Variants in QTMAN observed in about 807,000 individuals in gnomAD.
QTMAN encodes tRNA-queuosine alpha-mannosyltransferase.
At chr2:144,306,133 T>C in the QTMAN span, among the ~76,000 whole-genome samples, 7 of 152,254 alleles carry the variant, frequency 4.6e-5, no homozygotes, top group Non-Finnish European at 8.8e-5. Flanking sequence ...CATTAAGATG[T>C]TGGCTGTGGT....
chr2:144,063,145 C>G, the QTMAN span, among the ~76,000 whole-genome samples: 25 of 152,276 alleles, frequency 1.6e-4, no homozygotes. Flanking sequence ...TCTTGTCTAG[C>G]ATGCAGAAAA....
At chr2:144,016,244 T>C in the QTMAN span, among the ~76,000 whole-genome samples, 5 of 152,204 alleles carry the variant, frequency 3.3e-5, no homozygotes, top group African/African-American at 4.8e-5. Context: ...AAATTACCCA[T>C]ATAATCTTTA....
chr2:144,077,963 T>A, the QTMAN span, among the ~76,000 whole-genome samples: 1 of 152,078 alleles, frequency 6.6e-6, no homozygotes, highest in Non-Finnish European at 1.5e-5. Flanking sequence ...ATCTAAAAAA[T>A]TTTTAAAGTC....
chr2:144,216,634 C>A, the QTMAN span, among the ~76,000 whole-genome samples: 26 of 152,146 alleles, frequency 1.7e-4, no homozygotes, highest in East Asian at 5.0e-3. Flanking sequence ...TTATTGTTGA[C>A]AGAAGCAGAA....
the QTMAN span, among the ~76,000 whole-genome samples, chr2:144,168,358 T>C: frequency 1.3e-5 from 2 of 152,218 alleles, no homozygotes; most frequent in African/African-American, 4.8e-5. Flanking sequence ...TTGGGAGCTA[T>C]AGCATATGGA....
chr2:143,970,704 C>T, the QTMAN span: 1 of 1,611,436 alleles, frequency 6.2e-7, no homozygotes, highest in South Asian at 1.1e-5. Flanking sequence ...AAATTGAGTC[C>T]TAAGTCTTTA....
At chr2:144,037,608 AT>A in the QTMAN span, among the ~76,000 whole-genome samples, 293 of 152,344 alleles carry the variant, frequency 1.9e-3, 1 homozygote, top group Non-Finnish European at 3.7e-3. Context: ...CTATTTTGAA[AT>A]TTAAATAATA....
the QTMAN span, among the ~76,000 whole-genome samples, chr2:144,308,823 A>G: frequency 6.6e-6 from 1 of 152,354 alleles, no homozygotes; most frequent in African/African-American, 2.4e-5. Flanking sequence ...ACCACCAAAG[A>G]AAATGTTGAT....
At chr2:144,238,287 G>A in the QTMAN span, among the ~76,000 whole-genome samples, 4 of 152,170 alleles carry the variant, frequency 2.6e-5, no homozygotes, top group East Asian at 5.8e-4. Context: ...AAGGCATTTT[G>A]TTCTTCTGAA....
the QTMAN span, among the ~76,000 whole-genome samples, chr2:143,989,749 G>C: frequency 6.6e-6 from 1 of 152,148 alleles, no homozygotes; most frequent in African/African-American, 2.4e-5. Flanking sequence ...AGAAGAGTGA[G>C]ATGTGGCTAT....
the QTMAN span, among the ~76,000 whole-genome samples, chr2:143,981,300 T>C: frequency 1.2e-4 from 18 of 152,170 alleles, no homozygotes; most frequent in South Asian, 3.1e-3. Context: ...TTTAAAACTA[T>C]AGTAGGATAG....
the QTMAN span, among the ~76,000 whole-genome samples, chr2:144,256,678 C>T: frequency 6.6e-6 from 1 of 151,912 alleles, no homozygotes; most frequent in African/African-American, 2.4e-5. Context: ...GGGAGGGGAA[C>T]ATCACACACA....
At chr2:144,145,507 A>G in the QTMAN span, 15 of 1,219,138 alleles carry the variant, frequency 1.2e-5, no homozygotes, top group Non-Finnish European at 1.7e-5. Flanking sequence ...CCAGATTTAA[A>G]ACGTAACCAC....
chr2:143,991,737 G>C, the QTMAN span, among the ~76,000 whole-genome samples: 1 of 146,942 alleles, frequency 6.8e-6, no homozygotes, highest in African/African-American at 2.5e-5. Context: ...AGGGAGGTGG[G>C]GGGGTCAGCC....
the QTMAN span, among the ~76,000 whole-genome samples, chr2:144,111,360 G>C: frequency 6.6e-6 from 1 of 152,124 alleles, no homozygotes; most frequent in African/African-American, 2.4e-5. Flanking sequence ...CCACCCAACA[G>C]GCCTTTTCCA....
chr2:144,295,175 C>G, the QTMAN span: 1 of 152,196 alleles, frequency 6.6e-6, no homozygotes. Flanking sequence ...CTCAATGCGC[C>G]CTGTTGCATC....
chr2:144,142,120 C>T, the QTMAN span: 1 of 1,110,184 alleles, frequency 9.0e-7, no homozygotes, highest in Non-Finnish European at 1.3e-6. Flanking sequence ...TTTTATCAAC[C>T]TAAGACCTCT....
the QTMAN span, among the ~76,000 whole-genome samples, chr2:144,331,149 G>A: frequency 6.6e-6 from 1 of 152,130 alleles, no homozygotes; most frequent in South Asian, 2.1e-4. Flanking sequence ...ATACAGTACA[G>A]GACCCTAAGG....
the QTMAN span, among the ~76,000 whole-genome samples, chr2:144,091,170 A>G: frequency 6.6e-6 from 1 of 152,152 alleles, no homozygotes; most frequent in Non-Finnish European, 1.5e-5. Context: ...TGTTAAAAAA[A>G]AAAATTTGGA....
Sources: gnomAD v4.1 joint callset for allele counts (sites outside exome capture counted in the v4.1 genomes callset) on GRCh38, gnomAD v4.1.1 for gene constraint, MANE v1.5 for transcripts, NCBI Gene and HGNC (gene_info 2026-07-23, HGNC 2026-07-21) for gene names.